LZTFL1: variants seen among roughly 807,000 people sequenced by gnomAD.
The protein encoded by LZTFL1 is leucine zipper transcription factor like 1.
Under a neutral mutation model 45.9 loss-of-function variants are expected in LZTFL1, and 25 were observed. That is an observed-to-expected ratio of 0.54 (90% CI 0.40 to 0.76). LZTFL1 has a LOEUF of 0.76. Ranked by LOEUF, LZTFL1 falls within the 30% of genes least tolerant of loss-of-function variation. The pLI, the probability that LZTFL1 is intolerant of heterozygous loss-of-function variation, is 0.00. For missense variants in LZTFL1, 277 were observed against 331.1 expected (o/e 0.84, Z 1.27); for synonymous variants, 93 against 117.4 (o/e 0.79, Z 1.35).
At chr3:45,858,363 A>G (rs1403867357) in intron 3 of LZTFL1, among the ~76,000 whole-genome samples, 1 of 152,218 alleles carries the variant, frequency 6.6e-6, no homozygotes, top group Non-Finnish European at 1.5e-5. Flanking sequence ...TATGACCTCC[A>G]AGGTCAAGGG....
At chr3:45,828,837 C>T (rs1391173950) in intron 7 of LZTFL1, among the ~76,000 whole-genome samples, 1 of 152,204 alleles carries the variant, frequency 6.6e-6, no homozygotes, top group Non-Finnish European at 1.5e-5. Flanking sequence ...ACAGCCGACA[C>T]TCAGTAGCCA....
chr3:45,835,727 T>C lies in LZTFL1; in HGVS notation c.186A>G (p.Gln62=). The part of the protein sequence containing the change: ...DEVSEVLNGL[Q]AVVHSEVESE... Reference sequence around the variant, plus strand: ...ATTCCACCTCACTATGAACCACAGCTTGTAATCCATTGAGGACTTCAGAGA... The same window carrying C: ...ATTCCACCTCACTATGAACCACAGCCTGTAATCCATTGAGGACTTCAGAGA... The change falls in exon 3 of 10, where the codon CAA becomes CAG. Residue 62 remains glutamine (Q), a synonymous_variant. Transcript: ENST00000296135. 6.2e-7 allele frequency: 1 copy of C among 1,614,156 alleles called. No homozygotes were observed. The highest frequency in any genetic ancestry group is 1.1e-5 in the South Asian group (1 of 91,080).
chr3:45,852,694 T>G (rs1458963140), intron 4 of LZTFL1, among the ~76,000 whole-genome samples: 1 of 152,196 alleles, frequency 6.6e-6, no homozygotes, highest in Non-Finnish European at 1.5e-5. Context: ...GGGAGGTGGT[T>G]GATCCCTACT....
Position 45,834,181 on chromosome 3 carries a change from T to C in LZTFL1, c.384+57A>G, listed in dbSNP as rs1279370416. 2.7e-5 allele frequency: 26 copies of C among 968,168 alleles called. No homozygotes were observed. In the East Asian group the frequency reaches 6.2e-4, roughly 23 times the overall value. 60.0% of individuals were successfully genotyped at this position (968,168 alleles called of 1,614,324 possible). A position where few individuals can be genotyped will look rare whatever the true frequency, so the allele number is the denominator to read the frequency against. On this transcript the variant is annotated intron_variant, in intron 4 of 9. Transcript: ENST00000296135. ...TTGATCTCTGAATTCTTTGAGCAAC[T>C]TGAGGATTTTAAATACTGGCTATTA...
chr3:45,878,501 A>G (rs1028522447), intron 2 of LZTFL1, among the ~76,000 whole-genome samples: 6 of 151,618 alleles, frequency 4.0e-5, no homozygotes, highest in Non-Finnish European at 8.8e-5. Context: ...GGGCAGGGTG[A>G]GGCTGGGGGA....
At chr3:45,895,832 T>C (rs1702336198) in intron 2 of LZTFL1, among the ~76,000 whole-genome samples, 1 of 152,224 alleles carries the variant, frequency 6.6e-6, no homozygotes, top group Non-Finnish European at 1.5e-5. Context: ...GTAACATTCA[T>C]AAATGCCTTA....
intron 2 of LZTFL1, among the ~76,000 whole-genome samples, chr3:45,874,918 C>T (rs570765868): frequency 1.3e-4 from 20 of 152,320 alleles, no homozygotes; most frequent in Non-Finnish European, 1.9e-4. Context: ...AACATCATCC[C>T]GTACAGCTAA....
chr3:45,908,572 T>C (rs748520374), intron 2 of LZTFL1, among the ~76,000 whole-genome samples: 1 of 151,800 alleles, frequency 6.6e-6, no homozygotes. Flanking sequence ...AAGGCGTCCC[T>C]GAGGAGGTAG....
chr3:45,897,835 C>T (rs538399936), intron 2 of LZTFL1, among the ~76,000 whole-genome samples: 131 of 152,158 alleles, frequency 8.6e-4, no homozygotes, highest in Admixed American at 2.3e-3. Context: ...GGAGCTGCAG[C>T]AGGAGGAGAG....
intron 1 of LZTFL1, among the ~76,000 whole-genome samples, chr3:45,914,157 A>G (rs887695769): frequency 6.6e-6 from 1 of 152,174 alleles, no homozygotes; most frequent in Non-Finnish European, 1.5e-5. Flanking sequence ...CCTTTCCTCA[A>G]ATTCTAATCA....
rs546701552 is a variant in LZTFL1 at position 45,870,015 on chromosome 3, A to G, written c.-214-10999T>C. ...TCTCCATGTCATTTTGTCATACAAC[A>G]CTGCCTCATTAAACGAGGGGTATAA... On this transcript the variant is annotated intron_variant, in intron 2 of 4. Coordinates refer to the LZTFL1 transcript ENST00000472635. 3.7e-4 allele frequency among the ~76,000 whole-genome samples: 57 copies of G among 152,372 alleles called. 1 individual carries two copies. In the South Asian group the frequency reaches 5.2e-3, roughly 14 times the overall value.
At chr3:45,859,794 A>G (rs760532480) in intron 2 of LZTFL1, among the ~76,000 whole-genome samples, 14 of 151,660 alleles carry the variant, frequency 9.2e-5, no homozygotes, top group Non-Finnish European at 7.4e-5. Context: ...CCACCACCAC[A>G]CCCGGCTAAT....
Position 45,901,727 on chromosome 3 carries a change from C to T in LZTFL1, c.-215+11393G>A, listed in dbSNP as rs1235712486. The T allele has an allele frequency of 3.7e-6, 6 of 1,614,070 alleles. No homozygotes were observed. Among genetic ancestry groups the T allele is most frequent in the South Asian group, 1.1e-5 (1 of 91,084 alleles). ...TCGCCTTCTTCCACAGTTGCCTGAA[C>T]CCTGTTCTCTATGTTTTTGTGGGTG... is the stretch of plus-strand genomic sequence containing the variant. On this transcript the variant is annotated intron_variant, in intron 2 of 4. Transcript: ENST00000472635. This position sits in a 1 kb window ranked among gnomAD's most constrained non-coding sequence, Gnocchi z 4.3.
At chr3:45,870,681 T>C (rs560656141) in intron 2 of LZTFL1, among the ~76,000 whole-genome samples, 10 of 152,370 alleles carry the variant, frequency 6.6e-5, no homozygotes, top group African/African-American at 9.6e-5. Flanking sequence ...GAAATACTTA[T>C]AGGAATCCTA....
intron 2 of LZTFL1, among the ~76,000 whole-genome samples, chr3:45,910,776 T>C (rs1209476782): frequency 6.6e-6 from 1 of 152,238 alleles, no homozygotes; most frequent in African/African-American, 2.4e-5. Flanking sequence ...TGTGTCCTGG[T>C]AACTGTTGCC....
At chr3:45,840,541 A>T (rs751596557) in intron 1 of LZTFL1, among the ~76,000 whole-genome samples, 1 of 152,238 alleles carries the variant, frequency 6.6e-6, no homozygotes, top group Non-Finnish European at 1.5e-5. Context: ...GATCAGTCCT[A>T]AAATGGTTAG....
chr3:45,914,889 AG>A (rs1366009076), intron 1 of LZTFL1, among the ~76,000 whole-genome samples: 2 of 152,204 alleles, frequency 1.3e-5, no homozygotes, highest in African/African-American at 4.8e-5. Context: ...CTGCTGGTGC[AG>A]AGGAGCTGCC....
At chr3:45,869,662 G>A (rs1414388537) in intron 2 of LZTFL1, among the ~76,000 whole-genome samples, 3 of 152,170 alleles carry the variant, frequency 2.0e-5, no homozygotes, top group Non-Finnish European at 2.9e-5. Context: ...AGCAGTGTGG[G>A]TAATGCCTGG....
chr3:45,881,936 AT>A (rs1701868148), intron 2 of LZTFL1, among the ~76,000 whole-genome samples: 1 of 152,264 alleles, frequency 6.6e-6, no homozygotes, highest in African/African-American at 2.4e-5. Flanking sequence ...GCCACTGGCC[AT>A]GTTGGCTGTT....
Sources: allele counts gnomAD v4.1 joint callset (sites outside exome capture counted in the v4.1 genomes callset), GRCh38; gene constraint gnomAD v4.1.1; non-coding constraint Gnocchi (gnomAD v3.1); transcripts MANE v1.5; gene names NCBI Gene and HGNC (gene_info 2026-07-23, HGNC 2026-07-21).